Variants in PDE1A observed in about 807,000 individuals in gnomAD.
PDE1A encodes dual specificity calcium/calmodulin-dependent 3',5'-cyclic nucleotide phosphodiesterase 1A.
PDE1A carries 35 observed loss-of-function variants against 61.7 expected under a neutral mutation model. That is an observed-to-expected ratio of 0.57 (90% CI 0.43 to 0.75). The LOEUF is 0.75. Among genes scored for constraint, PDE1A ranks in the 30% least tolerant of loss-of-function variants. The pLI, the probability that PDE1A is intolerant of heterozygous loss-of-function variation, is 0.00. For synonymous variants in PDE1A, 232 were observed against 213.2 expected, an observed-to-expected ratio of 1.09 and a Z score of -0.77; for missense variants, 597 against 630.6, an observed-to-expected ratio of 0.95 and a Z score of 0.57.
chr2:182,186,471 C>T (rs768892029), exon 12 of PDE1A: 24 of 1,611,408 alleles, frequency 1.5e-5, no homozygotes, highest in Non-Finnish European at 1.5e-5. Flanking sequence ...ATCATACCTG[C>T]TTGCCACATA....
the PDE1A span, among the ~76,000 whole-genome samples, chr2:182,573,911 T>C: frequency 2.1e-5 from 3 of 144,770 alleles, no homozygotes; most frequent in Admixed American, 7.0e-5. Context: ...ATTTATATAT[T>C]ATATATATTA....
chr2:182,434,632 C>A, intron 2 of PDE1A, among the ~76,000 whole-genome samples: 1 of 152,058 alleles, frequency 6.6e-6, no homozygotes, highest in South Asian at 2.1e-4. Context: ...CCTCTACTAC[C>A]ACACCGAAAT....
chr2:182,425,559 A>G (rs1470375607), intron 1 of PDE1A, among the ~76,000 whole-genome samples: 2 of 152,198 alleles, frequency 1.3e-5, no homozygotes, highest in Admixed American at 6.5e-5. Flanking sequence ...CAAAGGTATA[A>G]TGTTGCTATT....
the PDE1A span, among the ~76,000 whole-genome samples, chr2:182,582,431 C>A: frequency 2.0e-5 from 3 of 151,978 alleles, no homozygotes; most frequent in African/African-American, 7.3e-5. Context: ...GGGATAGATA[C>A]CAGATTAAAA....
At chr2:182,435,014 CTT>C (rs2125650800) in intron 2 of PDE1A, among the ~76,000 whole-genome samples, 1 of 152,110 alleles carries the variant, frequency 6.6e-6, no homozygotes, top group South Asian at 2.1e-4. Context: ...AGAAATTCCT[CTT>C]TGTCACTGAA....
At chr2:182,601,045 C>T in the PDE1A span, among the ~76,000 whole-genome samples, 4 of 152,290 alleles carry the variant, frequency 2.6e-5, no homozygotes, top group South Asian at 2.1e-4. Flanking sequence ...CTTTTCTGGC[C>T]GGAAACCTCT....
chr2:182,426,690 G>A (rs1703644249), exon 1 of PDE1A: 31 of 1,611,856 alleles, frequency 1.9e-5, no homozygotes, highest in Non-Finnish European at 2.6e-5. Context: ...GAGAGGAAAT[G>A]TGGAAGCTTA....
intron 1 of PDE1A, among the ~76,000 whole-genome samples, chr2:182,395,765 C>G (rs965822036): frequency 6.6e-6 from 1 of 152,168 alleles, no homozygotes; most frequent in Non-Finnish European, 1.5e-5. Flanking sequence ...TTGGAAGGCC[C>G]CCATAGGTGA....
chr2:182,332,056 CT>C (rs990629077), intron 1 of PDE1A, among the ~76,000 whole-genome samples: 1 of 152,006 alleles, frequency 6.6e-6, no homozygotes, highest in Non-Finnish European at 1.5e-5. Flanking sequence ...TCTTTTCATT[CT>C]TTTTTTCTCT....
chr2:182,191,953 T>C (rs1022675497), intron 10 of PDE1A, among the ~76,000 whole-genome samples: 2 of 151,932 alleles, frequency 1.3e-5, no homozygotes, highest in Non-Finnish European at 2.9e-5. Context: ...CCTCCCAGGT[T>C]CAAGCAATTC....
chr2:182,524,555 T>C (rs56044563), upstream of PDE1A, among the ~76,000 whole-genome samples: 10,036 of 152,198 alleles, frequency 0.066, 357 homozygotes, highest in Middle Eastern at 0.1. Context: ...TTCGGTCACT[T>C]ACTAGAAAAA....
chr2:182,438,520 G>A (rs1684587419), intron 2 of PDE1A, among the ~76,000 whole-genome samples: 1 of 151,994 alleles, frequency 6.6e-6, no homozygotes, highest in African/African-American at 2.4e-5. Flanking sequence ...GAGAAAGGAA[G>A]ACTCACAGAG....
At chr2:182,586,785 C>T in the PDE1A span, among the ~76,000 whole-genome samples, 1 of 152,272 alleles carries the variant, frequency 6.6e-6, no homozygotes, top group Admixed American at 6.5e-5. Context: ...GACATTTATT[C>T]ATGCATTCAT....
the PDE1A span, among the ~76,000 whole-genome samples, chr2:182,650,300 C>A: frequency 1.3e-5 from 2 of 152,262 alleles, no homozygotes; most frequent in East Asian, 3.9e-4. Flanking sequence ...TACTAACAAG[C>A]AAAACTGGTC....
intron 8 of PDE1A, among the ~76,000 whole-genome samples, chr2:182,202,264 A>G (rs1686721970): frequency 6.6e-6 from 1 of 152,204 alleles, no homozygotes; most frequent in African/African-American, 2.4e-5. Context: ...AGAGACAGAG[A>G]TAAGAAGAGC....
chr2:182,357,202 A>T (rs1436471388), intron 1 of PDE1A, among the ~76,000 whole-genome samples: 1 of 152,072 alleles, frequency 6.6e-6, no homozygotes, highest in Non-Finnish European at 1.5e-5. Flanking sequence ...AAGAAAAAAG[A>T]AAAAAAGAAA....
intron 1 of PDE1A, among the ~76,000 whole-genome samples, chr2:182,274,801 T>C (rs1343215834): frequency 1.3e-5 from 2 of 152,150 alleles, no homozygotes; most frequent in African/African-American, 4.8e-5. Flanking sequence ...TTCCCTTGCT[T>C]CTGTAGAAAT....
intron 13 of PDE1A, among the ~76,000 whole-genome samples, chr2:182,174,594 A>C (rs1020145278): frequency 6.6e-6 from 1 of 151,134 alleles, no homozygotes; most frequent in Admixed American, 6.6e-5. Flanking sequence ...ATACTCTGTT[A>C]CAGTCCTCAA....
At chr2:182,205,719 T>G (rs372385582) in intron 8 of PDE1A, among the ~76,000 whole-genome samples, 1 of 152,200 alleles carries the variant, frequency 6.6e-6, no homozygotes, top group African/African-American at 2.4e-5. Context: ...TTCAGACATA[T>G]GGATGTTGAG....
Sources: gnomAD v4.1 joint callset for allele counts (sites outside exome capture counted in the v4.1 genomes callset) on GRCh38, gnomAD v4.1.1 for gene constraint, MANE v1.5 for transcripts, NCBI Gene and HGNC (gene_info 2026-07-23, HGNC 2026-07-21) for gene names.